TCF7L2: variants seen among roughly 807,000 people sequenced by gnomAD.
The protein encoded by TCF7L2 is transcription factor 7 like 2.
A neutral mutation model predicts 77.9 loss-of-function variants in TCF7L2; 23 were observed. The observed-to-expected ratio is 0.30, with a 90% CI of 0.21 to 0.42. The LOEUF (loss-of-function observed/expected upper bound fraction) is 0.42, where lower values mean the gene tolerates loss of function less well. TCF7L2 is among the 10% of genes least tolerant of loss of function. TCF7L2 has a pLI of 1.00. For synonymous variants in TCF7L2, 413 were observed against 340.2 expected (o/e 1.21, Z -2.36); for missense variants, 654 against 793.1 (o/e 0.82, Z 2.11).
At chr10:113,100,801 C>T (rs916862939) in intron 5 of TCF7L2, among the ~76,000 whole-genome samples, 1 of 152,170 alleles carries the variant, frequency 6.6e-6, no homozygotes, top group South Asian at 2.1e-4. Context: ...TTCGGCTGGG[C>T]GTGGTGGCTC....
intron 4 of TCF7L2, among the ~76,000 whole-genome samples, chr10:113,038,350 G>A (rs539755448): frequency 6.6e-6 from 1 of 152,246 alleles, no homozygotes; most frequent in South Asian, 2.1e-4. Context: ...GCTCACCACG[G>A]GAGGCCTCTA....
intron 2 of TCF7L2, 70 bp from the exon 3 acceptor site, chr10:112,951,413 A>G (rs1227853048): frequency 7.8e-7 from 1 of 1,284,838 alleles, no homozygotes; most frequent in Non-Finnish European, 1.0e-6. Context: ...GGCACTTTCT[A>G]AAAAGTTTCT....
chr10:113,151,073 A>G lies in TCF7L2; in HGVS notation c.951A>G (p.Pro317=). Residue 317 remains proline, a synonymous_variant, in exon 9 of 14, where the codon CCA becomes CCG. Transcript: ENST00000627217. The surrounding 1 kb of genome is among the most constrained non-coding windows in gnomAD (Gnocchi z 5.2). ...TTCCGCATCCGGCCATAGTCACACC[A>G]ACAGTCAAACAGGAATCGTCCCAGA... 1 of 1,614,166 alleles carries G rather than the reference A, an allele frequency of 6.2e-7. No homozygotes were observed. The highest frequency in any genetic ancestry group is 8.5e-7 in the Non-Finnish European group (1 of 1,180,016).
chr10:113,126,921 CG>C, intron 5 of TCF7L2: 2 of 985,474 alleles, frequency 2.0e-6, no homozygotes, highest in Non-Finnish European at 1.2e-6. Flanking sequence ...CAGGGGTGCG[CG>C]GTGGCCGGCC....
chr10:113,088,648 G>T lies in TCF7L2; in HGVS notation c.552+48522G>T, dbSNP rs72641338. On this transcript the variant is annotated intron_variant, in intron 5 of 13. Coordinates refer to ENST00000627217, the MANE Select transcript of TCF7L2 (RefSeq NM_001146274.2). The stretch of plus-strand genomic sequence containing the variant: ...AGACTGTCGCCTGGCAGAGGAAAAG[G>T]TGTTAAGGTATGAGTGAAGACAGAT... Among the ~76,000 whole-genome samples the T allele has an allele frequency of 0.032, 4,827 of 152,188 alleles. 567 individuals are homozygous for T. The East Asian group carries it at 0.43, about 14-fold the overall frequency.
Position 113,166,667 on chromosome 10 carries a change from G to A in TCF7L2, c.*695G>A, listed in dbSNP as rs2074055869. The stretch of plus-strand genomic sequence containing the variant: ...TAGAGATTGCTTGTCGTACCTGTAT[G>A]TCGTCCCTTTTTAAATATGTTTTCC... On this transcript the variant is annotated 3_prime_UTR_variant, in exon 14 of 14. Coordinates refer to ENST00000627217, the MANE Select transcript of TCF7L2 (RefSeq NM_001146274.2). The A allele has an allele frequency of 4.3e-6, 1 of 230,942 alleles. No homozygotes were observed. Among genetic ancestry groups the A allele is most frequent in the African/African-American group, 2.2e-5 (1 of 45,178 alleles). 14.3% of individuals were successfully genotyped at this position (230,942 alleles called of 1,614,324 possible). A position where few individuals can be genotyped will look rare whatever the true frequency, so the allele number is the denominator to read the frequency against.
At chr10:113,061,643 AT>A (rs1243265494) in intron 5 of TCF7L2, among the ~76,000 whole-genome samples, 2 of 152,036 alleles carry the variant, frequency 1.3e-5, no homozygotes, top group Non-Finnish European at 2.9e-5. Context: ...CACCTAGGAA[AT>A]TTGCTCTTCC....
In TCF7L2 at chr10:113,157,585, G is replaced by T. The variant is rs1050884197; in HGVS notation, c.1270-436G>T. On this transcript the variant is annotated intron_variant, in intron 11 of 13. Transcript: ENST00000627217. ...TAAGTAAGAACTGTGAGCAGGTCAG[G>T]CAGGGCAGCCCTTGAAGCTGGTGCG... Among the ~76,000 whole-genome samples the T allele has an allele frequency of 1.1e-4, 17 of 152,210 alleles. 1 individual carries two copies.
At chr10:113,117,722 A>AT (rs1164087871) in intron 5 of TCF7L2, among the ~76,000 whole-genome samples, 1 of 152,122 alleles carries the variant, frequency 6.6e-6, no homozygotes, top group African/African-American at 2.4e-5. Context: ...TTGTTTAGAC[A>AT]TTTTTTGTCT....
intron 5 of TCF7L2, among the ~76,000 whole-genome samples, chr10:113,044,247 C>G (rs924555028): frequency 6.6e-6 from 1 of 152,140 alleles, no homozygotes; most frequent in South Asian, 2.1e-4. Flanking sequence ...AAAACTCTTA[C>G]GAAATAATGC....
In TCF7L2 at chr10:113,084,920, A is replaced by C. The variant is rs1407425873; in HGVS notation, c.552+44794A>C. Among the ~76,000 whole-genome samples the C allele has an allele frequency of 4.6e-5, 7 of 151,840 alleles. No homozygotes were observed. In the East Asian group the frequency reaches 1.2e-3, roughly 25 times the overall value. On this transcript the variant is annotated intron_variant, in intron 5 of 13. Coordinates refer to ENST00000627217, the MANE Select transcript of TCF7L2 (RefSeq NM_001146274.2). The stretch of plus-strand genomic sequence containing the variant: ...CAAGCCACCCCCCCCCAAAAAAAAA[A>C]AACAAAAAACCCTGACACATAAAAT...
At position 112,957,190 on chromosome 10, in the gene TCF7L2, C is replaced by CTTTT. The variant is rs35054285; in HGVS notation, c.381+5606_381+5609dup. Among the ~76,000 whole-genome samples the CTTTT allele has an allele frequency of 7.3e-4, 44 of 60,680 alleles. 2 individuals are homozygous for CTTTT. The highest frequency in any genetic ancestry group is 3.0e-3 in the African/African-American group (42 of 13,960). The allele number at this position is 60,680 out of a possible 152,430, so 39.8% of individuals were successfully genotyped here. A position where few individuals can be genotyped will look rare whatever the true frequency, so the allele number is the denominator to read the frequency against. On this transcript the variant is annotated intron_variant, in intron 3 of 13. Coordinates refer to ENST00000627217, the MANE Select transcript of TCF7L2 (RefSeq NM_001146274.2). ...TCTTAATTCCCCCCAACACCCCCACCTTTTTTTTTTTTTTTTTTTTTTTTT... is the reference window on the plus strand; with the variant it reads ...TCTTAATTCCCCCCAACACCCCCACCTTTTTTTTTTTTTTTTTTTTTTTTTTTTT...
intron 5 of TCF7L2, chr10:113,089,363 C>T (rs781181359): frequency 9.4e-6 from 15 of 1,598,626 alleles, no homozygotes; most frequent in Admixed American, 3.4e-5. Context: ...CCCTCGCTCC[C>T]GAGCCTTACT....
chr10:113,039,634 C>A (rs2052066795), intron 4 of TCF7L2, among the ~76,000 whole-genome samples: 1 of 152,148 alleles, frequency 6.6e-6, no homozygotes. Flanking sequence ...TAGGACACTT[C>A]TGGCTTGAGA....
chr10:113,084,535 T>G (rs947675774), intron 5 of TCF7L2, among the ~76,000 whole-genome samples: 10 of 152,108 alleles, frequency 6.6e-5, no homozygotes, highest in African/African-American at 2.4e-4. Context: ...TCTAAAAATA[T>G]CCTCAGAGAA....
intron 6 of TCF7L2, among the ~76,000 whole-genome samples, chr10:113,142,459 C>T (rs991956514): frequency 3.3e-5 from 5 of 152,204 alleles, no homozygotes; most frequent in African/African-American, 1.2e-4. Context: ...TAGTGTGTGT[C>T]TTTCAGGCTA....
intron 4 of TCF7L2, among the ~76,000 whole-genome samples, chr10:112,973,016 C>A (rs748675746): frequency 6.6e-6 from 1 of 152,170 alleles, no homozygotes; most frequent in East Asian, 1.9e-4. Context: ...TCCCTTACAG[C>A]AGTGGCTACC....
intron 5 of TCF7L2, among the ~76,000 whole-genome samples, chr10:113,098,098 G>A (rs560675797): frequency 4.7e-5 from 7 of 148,618 alleles, no homozygotes; most frequent in East Asian, 4.0e-4. Flanking sequence ...AACACATGTC[G>A]TACCTGAAGG....
intron 5 of TCF7L2, among the ~76,000 whole-genome samples, chr10:113,134,159 G>T (rs2136614991): frequency 6.6e-6 from 1 of 152,340 alleles, no homozygotes; most frequent in South Asian, 2.1e-4. Flanking sequence ...ACAGAAAGGA[G>T]CAACATTCAA....
Sources: gnomAD v4.1 joint callset for allele counts (sites outside exome capture counted in the v4.1 genomes callset) on GRCh38, gnomAD v4.1.1 for gene constraint, Gnocchi (gnomAD v3.1) non-coding constraint, MANE v1.5 for transcripts, NCBI Gene and HGNC (gene_info 2026-07-23, HGNC 2026-07-21) for gene names.